FSTL5: variants seen among roughly 807,000 people sequenced by gnomAD.
FSTL5 encodes the protein follistatin-related protein 5.
Under a neutral mutation model 89.1 loss-of-function variants are expected in FSTL5, and 62 were observed. The ratio of observed to expected loss-of-function variants is 0.70; its 90% CI spans 0.57 to 0.86. The LOEUF is 0.86. Ranked by LOEUF, FSTL5 falls within the 40% of genes least tolerant of loss-of-function variation. The pLI is 0.00. For missense variants in FSTL5, 1,057 were observed against 1,001.6 expected (o/e 1.06, Z -0.75); for synonymous variants, 383 against 346.2 (o/e 1.11, Z -1.18).
At chr4:161,867,747 T>C (rs1732137273) in intron 4 of FSTL5, among the ~76,000 whole-genome samples, 1 of 151,612 alleles carries the variant, frequency 6.6e-6, no homozygotes, top group South Asian at 2.1e-4. Flanking sequence ...GAATTAAATA[T>C]AGAGAAAAAA....
At position 161,571,885 on chromosome 4, in the gene FSTL5, C is replaced by A. The variant is rs576905739; in HGVS notation, c.1015+15570G>T. On this transcript the variant is annotated intron_variant, in intron 8 of 15. Coordinates refer to ENST00000306100, the MANE Select transcript of FSTL5 (RefSeq NM_020116.5). ...TTAATGTTTTCTCAGAGAAGTGACT[C>A]TGTGCATAATTTTTCCTTCCCCCAA... Among the ~76,000 whole-genome samples, 7 of 152,288 alleles carry A rather than the reference C, an allele frequency of 4.6e-5. No individual in the cohort carries two copies. The South Asian group carries it at 1.2e-3, about 27-fold the overall frequency.
intron 4 of FSTL5, among the ~76,000 whole-genome samples, chr4:161,887,191 ATAAAT>A (rs1232283719): frequency 2.0e-5 from 3 of 152,162 alleles, no homozygotes; most frequent in African/African-American, 7.2e-5. Context: ...TTAAGCACAA[ATAAAT>A]TAAATTAAAC....
intron 4 of FSTL5, among the ~76,000 whole-genome samples, chr4:161,807,720 C>G (rs1237599923): frequency 3.3e-5 from 5 of 152,006 alleles, no homozygotes; most frequent in African/African-American, 1.2e-4. Context: ...GCCCATAAGC[C>G]AAAGTTTACA....
At chr4:161,514,276 A>G (rs1730744810) in intron 10 of FSTL5, among the ~76,000 whole-genome samples, 2 of 151,860 alleles carry the variant, frequency 1.3e-5, no homozygotes, top group Non-Finnish European at 2.9e-5. Flanking sequence ...CACACCATGG[A>G]ATACTACTCA....
chr4:161,571,746 A>T (rs1407778967), intron 8 of FSTL5, among the ~76,000 whole-genome samples: 1 of 152,172 alleles, frequency 6.6e-6, no homozygotes, highest in Admixed American at 6.5e-5. Flanking sequence ...ATGGCAACTG[A>T]AGCAATGTGG....
At chr4:161,734,166 G>T (rs1391122439) in intron 6 of FSTL5, among the ~76,000 whole-genome samples, 1 of 152,040 alleles carries the variant, frequency 6.6e-6, no homozygotes, top group Non-Finnish European at 1.5e-5. Context: ...TAAACACACT[G>T]CACATGAGCA....
intron 7 of FSTL5, among the ~76,000 whole-genome samples, chr4:161,625,790 G>A (rs772163384): frequency 6.6e-6 from 1 of 152,020 alleles, no homozygotes; most frequent in Non-Finnish European, 1.5e-5. Context: ...AGTTCTTGAA[G>A]GAAATTAAAA....
At chr4:161,834,989 C>G (rs1341821418) in intron 4 of FSTL5, among the ~76,000 whole-genome samples, 2 of 145,780 alleles carry the variant, frequency 1.4e-5, no homozygotes, top group African/African-American at 5.3e-5. Flanking sequence ...GAGCCTGCAT[C>G]GCCAAGTCAA....
intron 2 of FSTL5, among the ~76,000 whole-genome samples, chr4:162,046,790 T>C (rs1399262880): frequency 6.6e-6 from 1 of 152,160 alleles, no homozygotes; most frequent in African/African-American, 2.4e-5. Context: ...ATTTGTATGA[T>C]TTAAAATGTA....
At chr4:161,915,634 T>C (rs1387617518) in intron 4 of FSTL5, among the ~76,000 whole-genome samples, 2 of 152,216 alleles carry the variant, frequency 1.3e-5, no homozygotes, top group Middle Eastern at 3.4e-3. Context: ...ATGTTGTGGG[T>C]ACTAAGGGAA....
intron 5 of FSTL5, among the ~76,000 whole-genome samples, chr4:161,766,850 G>A (rs952312760): frequency 6.6e-6 from 1 of 151,918 alleles, no homozygotes; most frequent in Non-Finnish European, 1.5e-5. Flanking sequence ...GAAATATACA[G>A]ATATAAAAGA....
intron 2 of FSTL5, among the ~76,000 whole-genome samples, chr4:162,045,477 C>T (rs978817780): frequency 6.6e-6 from 1 of 151,892 alleles, no homozygotes; most frequent in African/African-American, 2.4e-5. Flanking sequence ...ACCACATGTA[C>T]CCCATAAATA....
chr4:161,709,494 CA>C (rs1173561759), intron 6 of FSTL5, among the ~76,000 whole-genome samples: 1 of 152,088 alleles, frequency 6.6e-6, no homozygotes, highest in East Asian at 1.9e-4. Context: ...AAATGATGAT[CA>C]TCTTGAATAA....
intron 3 of FSTL5, among the ~76,000 whole-genome samples, chr4:162,019,679 G>A (rs985101667): frequency 2.0e-5 from 3 of 151,512 alleles, no homozygotes; most frequent in African/African-American, 7.3e-5. Flanking sequence ...ACACTTGTCG[G>A]AGCGTTTATA....
chr4:161,901,750 C>T (rs1733370612), intron 4 of FSTL5, among the ~76,000 whole-genome samples: 2 of 152,036 alleles, frequency 1.3e-5, no homozygotes, highest in South Asian at 4.1e-4. Flanking sequence ...GTCTTGGCAA[C>T]ATGGTGAAAC....
chr4:161,467,307 A>T (rs1416925423), intron 13 of FSTL5, among the ~76,000 whole-genome samples: 1 of 152,160 alleles, frequency 6.6e-6, no homozygotes, highest in Non-Finnish European at 1.5e-5. Flanking sequence ...TAGAAAAAAT[A>T]GGTAAATAAA....
chr4:161,436,363 G>T (rs1162534775), intron 15 of FSTL5, among the ~76,000 whole-genome samples: 2 of 152,132 alleles, frequency 1.3e-5, no homozygotes, highest in African/African-American at 4.8e-5. Flanking sequence ...CTGCTTGCTT[G>T]CCTGCCTAAT....
chr4:161,473,499 C>T (rs1047959366), intron 13 of FSTL5, among the ~76,000 whole-genome samples: 64 of 146,586 alleles, frequency 4.4e-4, no homozygotes, highest in African/African-American at 1.5e-3. Flanking sequence ...AACCAAAGGT[C>T]ACTGCAGCTT....
intron 2 of FSTL5, among the ~76,000 whole-genome samples, chr4:162,101,248 G>GT (rs1487097651): frequency 3.9e-5 from 6 of 152,280 alleles, no homozygotes; most frequent in African/African-American, 1.4e-4. Flanking sequence ...AGGTTTTAAG[G>GT]TATGTTTTCA....
Sources: allele counts gnomAD v4.1 joint callset (sites outside exome capture counted in the v4.1 genomes callset), GRCh38; gene constraint gnomAD v4.1.1; transcripts MANE v1.5; gene names NCBI Gene and HGNC (gene_info 2026-07-23, HGNC 2026-07-21).